The following PRKG1 variants were observed in gnomAD, a reference collection of about 807,000 sequenced individuals.
The protein encoded by PRKG1 is protein kinase cGMP-dependent 1.
A neutral mutation model predicts 88.1 loss-of-function variants in PRKG1; 35 were observed. That is an observed-to-expected ratio of 0.40 (90% CI 0.30 to 0.53). The LOEUF (loss-of-function observed/expected upper bound fraction) is 0.53. Among genes scored for constraint, PRKG1 ranks in the 20% least tolerant of loss-of-function variants. The pLI is 0.59. For synonymous variants in PRKG1, 303 were observed against 292.5 expected, an observed-to-expected ratio of 1.04 and a Z score of -0.37; for missense variants, 540 against 839.8, an observed-to-expected ratio of 0.64 and a Z score of 4.41.
At chr10:51,987,208 G>A (rs2454554) in intron 5 of PRKG1, among the ~76,000 whole-genome samples, 55,355 of 151,832 alleles carry the variant, frequency 0.36, 10,352 homozygotes, top group Middle Eastern at 0.43. Context: ...GCATGTAAAT[G>A]ATGTCCAGCA....
Position 51,397,877 on chromosome 10 carries a change from G to A in PRKG1, c.479-69846G>A, listed in dbSNP as rs991473352. Among the ~76,000 whole-genome samples, 11 of 152,220 alleles carry A rather than the reference G, an allele frequency of 7.2e-5. No individual in the cohort carries two copies. The East Asian group carries it at 1.2e-3, about 16-fold the overall frequency. On this transcript the variant is annotated intron_variant, in intron 2 of 17. Coordinates refer to ENST00000373980, the MANE Select transcript of PRKG1 (RefSeq NM_006258.4). ...TGAATCAGATGTCCTTTTCCTCCTC[G>A]AAGGCAGAATGTGTCACTTACTTAG...
At position 51,175,755 on chromosome 10, in the gene PRKG1, T is replaced by C. The variant is rs186731860; in HGVS notation, c.478+22425T>C. Among the ~76,000 whole-genome samples, 362 of 152,212 alleles carry C rather than the reference T, an allele frequency of 2.4e-3. 2 individuals carry two copies. The highest frequency in any genetic ancestry group is 8.3e-3 in the African/African-American group (344 of 41,572). The stretch of plus-strand genomic sequence containing the variant: ...CAGCAGCAACAGTATCTGGTACAAA[T>C]GAAAATTATCGGGGCTCACCTTAGA... On this transcript the variant is annotated intron_variant, in intron 2 of 17. Transcript: ENST00000373980.
intron 2 of PRKG1, among the ~76,000 whole-genome samples, chr10:51,253,589 G>A (rs116583011): frequency 2.0e-5 from 3 of 151,826 alleles, no homozygotes; most frequent in Admixed American, 6.6e-5. Context: ...TTCTGAATCC[G>A]ATCAGCAAGT....
chr10:52,220,659 A>G (rs1409057757), intron 9 of PRKG1, among the ~76,000 whole-genome samples: 2 of 152,106 alleles, frequency 1.3e-5, no homozygotes, highest in Non-Finnish European at 2.9e-5. Flanking sequence ...ATAAGTGAGA[A>G]CATGCAGTAT....
intron 3 of PRKG1, among the ~76,000 whole-genome samples, chr10:51,722,125 G>T (rs1175946616): frequency 6.6e-6 from 1 of 151,966 alleles, no homozygotes; most frequent in African/African-American, 2.4e-5. Flanking sequence ...AGCTACTCGG[G>T]AGGCTGAGGC....
intron 4 of PRKG1, among the ~76,000 whole-genome samples, chr10:51,817,765 C>T (rs1278827368): frequency 2.0e-5 from 3 of 152,110 alleles, no homozygotes; most frequent in East Asian, 1.9e-4. Context: ...TAGTTAAATA[C>T]TGAACAGCAA....
At chr10:51,429,296 G>A (rs961312863) in intron 2 of PRKG1, among the ~76,000 whole-genome samples, 1 of 152,168 alleles carries the variant, frequency 6.6e-6, no homozygotes, top group Non-Finnish European at 1.5e-5. Flanking sequence ...CATGGGGAGA[G>A]AGAATGCACT....
chr10:51,273,752 G>A (rs1170417043), intron 2 of PRKG1, among the ~76,000 whole-genome samples: 1 of 152,200 alleles, frequency 6.6e-6, no homozygotes. Flanking sequence ...CTGGGGAAGA[G>A]AAACTGGAAC....
At position 50,994,400 on chromosome 10, in the gene PRKG1, A is replaced by G. The variant is rs148804567; in HGVS notation, c.266+2756A>G. Among the ~76,000 whole-genome samples the G allele has an allele frequency of 1.4e-3, 190 of 131,556 alleles. 2 individuals carry two copies. Among genetic ancestry groups the G allele is most frequent in the African/African-American group, 5.3e-3 (188 of 35,314 alleles). The allele number at this position is 131,556 out of a possible 152,430, so 86.3% of individuals were successfully genotyped here. On this transcript the variant is annotated intron_variant, in intron 1 of 17. Coordinates refer to the PRKG1 transcript ENST00000401604. The stretch of plus-strand genomic sequence containing the variant: ...GTAGATATTCCATCACCTCACCTGT[A>G]ATTTTTTTTTTTTTTTTTTTTTTTT...
intron 1 of PRKG1, among the ~76,000 whole-genome samples, chr10:51,130,665 G>C (rs1397360376): frequency 6.6e-6 from 1 of 152,074 alleles, no homozygotes; most frequent in African/African-American, 2.4e-5. Flanking sequence ...CACTTTGGGA[G>C]GCAAAGGCAG....
At chr10:52,221,283 A>C (rs1840238794) in intron 9 of PRKG1, among the ~76,000 whole-genome samples, 1 of 152,120 alleles carries the variant, frequency 6.6e-6, no homozygotes. Flanking sequence ...ATAAATGTTT[A>C]TTGTTGTTTT....
chr10:51,928,333 AC>A (rs1295422906), intron 5 of PRKG1, among the ~76,000 whole-genome samples: 5 of 152,202 alleles, frequency 3.3e-5, no homozygotes, highest in Non-Finnish European at 4.4e-5. Context: ...ACAGCTGCTC[AC>A]CATCCTAAGA....
At chr10:51,447,874 T>C (rs293257) in intron 2 of PRKG1, among the ~76,000 whole-genome samples, 53,360 of 151,926 alleles carry the variant, frequency 0.35, 10,650 homozygotes, top group African/African-American at 0.51. Flanking sequence ...AATGTTCCCT[T>C]ATCATCTAGC....
chr10:51,336,772 G>C (rs746767829), intron 2 of PRKG1, among the ~76,000 whole-genome samples: 2 of 152,188 alleles, frequency 1.3e-5, no homozygotes, highest in Non-Finnish European at 2.9e-5. Flanking sequence ...TAGTTCACAG[G>C]ATTTGGCCAA....
chr10:51,416,634 T>A (rs1486054622), intron 2 of PRKG1, among the ~76,000 whole-genome samples: 1 of 152,154 alleles, frequency 6.6e-6, no homozygotes, highest in Non-Finnish European at 1.5e-5. Context: ...TGCAAAGGGC[T>A]TAGCACAGTG....
intron 5 of PRKG1, among the ~76,000 whole-genome samples, chr10:52,042,270 C>G (rs1277528921): frequency 6.6e-6 from 1 of 152,078 alleles, no homozygotes; most frequent in Non-Finnish European, 1.5e-5. Context: ...ATAGCCAAAG[C>G]AATCTTAAGC....
At chr10:52,264,774 A>C (rs1049552817) in intron 10 of PRKG1, among the ~76,000 whole-genome samples, 1 of 152,020 alleles carries the variant, frequency 6.6e-6, no homozygotes, top group African/African-American at 2.4e-5. Context: ...ACTTTTTTCC[A>C]GTGTGTGTTC....
intron 1 of PRKG1, among the ~76,000 whole-genome samples, chr10:51,096,970 A>G (rs1025476809): frequency 1.3e-5 from 2 of 152,196 alleles, no homozygotes; most frequent in Admixed American, 6.5e-5. Context: ...TAAAATGTCA[A>G]TAGTGCATTA....
chr10:51,518,297 A>G (rs1423855479), intron 3 of PRKG1, among the ~76,000 whole-genome samples: 3 of 152,140 alleles, frequency 2.0e-5, no homozygotes, highest in African/African-American at 4.8e-5. Flanking sequence ...CATGCCCCGC[A>G]TGGATTCTAA....
Sources: gnomAD v4.1 joint callset for allele counts (sites outside exome capture counted in the v4.1 genomes callset) on GRCh38, gnomAD v4.1.1 for gene constraint, MANE v1.5 for transcripts, NCBI Gene and HGNC (gene_info 2026-07-23, HGNC 2026-07-21) for gene names.